Variants in ST3GAL5 observed in about 807,000 individuals in gnomAD.
The protein encoded by ST3GAL5 is ST3 beta-galactoside alpha-2,3-sialyltransferase 5.
A neutral mutation model predicts 46.1 loss-of-function variants in ST3GAL5; 25 were observed. The ratio of observed to expected loss-of-function variants is 0.54; its 90% confidence interval spans 0.40 to 0.76. The LOEUF (loss-of-function observed/expected upper bound fraction) is 0.76. ST3GAL5 is among the 30% of genes least tolerant of loss of function. The probability of loss-of-function intolerance (pLI) is 0.00; values close to 1 mark genes in which losing one functional copy is unlikely to be tolerated. For synonymous variants in ST3GAL5, 182 were observed against 192.7 expected (o/e 0.94, Z 0.46); for missense variants, 431 against 521.2 (o/e 0.83, Z 1.69).
At position 85,848,030 on chromosome 2, in the gene ST3GAL5, G is replaced by A. The variant is rs779337797; in HGVS notation, c.493C>T (p.Arg165Trp). Residue 165 changes from arginine (R) to tryptophan (W), a missense_variant, in exon 4 of 7, where the codon CGG (arginine) becomes TGG (tryptophan). By Grantham distance (101) the Arg-to-Trp change is moderately radical (BLOSUM62 -3). Transcript: ENST00000638572. ...ESKYDPPFGF[R>W]KFSSKVQTLL... ...GTCTGGACTTTACTGGAGAACTTCCGGAACCCAAAAGGAGGATCGTACTTG... is the reference window on the plus strand; with the variant it reads ...GTCTGGACTTTACTGGAGAACTTCCAGAACCCAAAAGGAGGATCGTACTTG... The A allele has an allele frequency of 8.7e-6, 14 of 1,614,088 alleles. No individual in the cohort carries two copies. Among genetic ancestry groups the A allele is most frequent in the Admixed American group, 3.3e-5 (2 of 60,008 alleles).
At chr2:85,882,093 G>T (rs1157695318) in intron 1 of ST3GAL5, among the ~76,000 whole-genome samples, 1 of 152,248 alleles carries the variant, frequency 6.6e-6, no homozygotes, top group Non-Finnish European at 1.5e-5. Flanking sequence ...TCAGAGGGTG[G>T]AAGCCCCAAG....
intron 1 of ST3GAL5, chr2:85,867,718 T>C (rs895984708): frequency 3.9e-6 from 3 of 769,416 alleles, no homozygotes; most frequent in Admixed American, 3.5e-5. Flanking sequence ...TGAAGGAATG[T>C]ATAGGACATT....
rs527995626 is a variant in ST3GAL5 at position 85,851,622 on chromosome 2, T to C, written c.319-3418A>G. ...AAGTTGAACCGGCATCTGCTTCAGC[T>C]GCTCTCTTCCCCCTCCACTGCTTGC... On this transcript the variant is annotated intron_variant, in intron 3 of 6. Coordinates refer to ENST00000638572, the MANE Select transcript of ST3GAL5 (RefSeq NM_003896.4). 9.3e-6 allele frequency: 12 copies of C among 1,289,468 alleles called. No individual in the cohort carries two copies. The African/African-American group carries it at 1.4e-4, about 15-fold the overall frequency. 79.9% of individuals were successfully genotyped at this position (1,289,468 alleles called of 1,614,324 possible).
At chr2:85,860,931 C>A in intron 3 of ST3GAL5, 1 of 497,928 alleles carries the variant, frequency 2.0e-6, no homozygotes, top group Admixed American at 3.3e-5. Context: ...GCCCTAGAGC[C>A]TGTTGGGTTG....
chr2:85,871,771 G>A (rs991050860), intron 1 of ST3GAL5, among the ~76,000 whole-genome samples: 5 of 152,142 alleles, frequency 3.3e-5, no homozygotes, highest in South Asian at 2.1e-4. Flanking sequence ...GGGAGGACCT[G>A]GAACAAGAGG....
In ST3GAL5 at chr2:85,840,200, G is replaced by C. The variant is rs375480336; in HGVS notation, c.1201C>G (p.Leu401Val). The C allele has an allele frequency of 8.1e-6, 13 of 1,614,198 alleles. No individual in the cohort carries two copies. In the South Asian group the frequency reaches 1.2e-4, roughly 15 times the overall value. ...TCTTTCACCACTCCCTCTTTGACCA[G>C]CTTTAAGAGGAACTTGGTTTCCGTT... ...VTTETKFLLK[L>V]VKEGVVKDLS... Residue 401 changes from leucine to valine, a missense_variant, in exon 7 of 7, where the codon CTG becomes GTG. By Grantham distance (32) the Leu-to-Val change is conservative (BLOSUM62 1). Coordinates refer to ENST00000638572, the MANE Select transcript of ST3GAL5 (RefSeq NM_003896.4).
chr2:85,846,422 ACT>A lies in ST3GAL5; in HGVS notation c.802_803del (p.Ser268CysfsTer2). On this transcript the variant is annotated frameshift_variant, in exon 5 of 7. Transcript: ENST00000638572. LOFTEE classifies it high-confidence loss of function. The part of the protein sequence containing the change: ...NDLFVAVLFK[S>X]VDFNWLQAMV... ...TTGCTTGAAGCCAGTTGAAATCAAC[ACT>A]CTTAAATAAAACAGCAACAAATAAG... is the stretch of plus-strand genomic sequence containing the variant. 1 of 1,614,186 alleles carries A rather than the reference ACT, an allele frequency of 6.2e-7. No individual in the cohort carries two copies. The highest frequency in any genetic ancestry group is 8.5e-7 in the Non-Finnish European group (1 of 1,180,020).
At position 85,840,456 on chromosome 2, in the gene ST3GAL5, G is replaced by A. The variant is rs768092587; in HGVS notation, c.1009-64C>T. Reference sequence around the variant, plus strand: ...TTTTGGCACAAGTCACCATTTTGCTGGTATTACACATGCTACGCAGAGTCA... The same window carrying A: ...TTTTGGCACAAGTCACCATTTTGCTAGTATTACACATGCTACGCAGAGTCA... On this transcript the variant is annotated intron_variant, in intron 6 of 6. Transcript: ENST00000638572. 7.0e-6 allele frequency: 11 copies of A among 1,575,012 alleles called. No homozygotes were observed. In the East Asian group the frequency reaches 2.3e-4, roughly 33 times the overall value.
At chr2:85,876,770 T>G (rs1686627730) in intron 1 of ST3GAL5, among the ~76,000 whole-genome samples, 1 of 152,066 alleles carries the variant, frequency 6.6e-6, no homozygotes, top group Non-Finnish European at 1.5e-5. Context: ...CTACACTGTT[T>G]CCTGATGGTA....
At position 85,858,563 on chromosome 2, in the gene ST3GAL5, C is replaced by T. The variant is rs200217418; in HGVS notation, c.318+2618G>A. ...TGACCTCATGATCCGCCCACCTCAG[C>T]CTCCCAAGGTGCTGGGATTACAGGT... On this transcript the variant is annotated intron_variant, in intron 3 of 6. Coordinates refer to ENST00000638572, the MANE Select transcript of ST3GAL5 (RefSeq NM_003896.4). Among the ~76,000 whole-genome samples, 3 of 152,176 alleles carry T rather than the reference C, an allele frequency of 2.0e-5. No individual in the cohort carries two copies. The East Asian group carries it at 5.8e-4, about 29-fold the overall frequency.
At chr2:85,877,790 G>C (rs901511025) in intron 1 of ST3GAL5, among the ~76,000 whole-genome samples, 1 of 152,106 alleles carries the variant, frequency 6.6e-6, no homozygotes, top group Non-Finnish European at 1.5e-5. Context: ...ACTAGGGCTG[G>C]ATAAAACAGT....
At chr2:85,863,580 C>T in intron 1 of ST3GAL5, 95 bp from the exon 2 acceptor site, 1 of 1,368,256 alleles carries the variant, frequency 7.3e-7, no homozygotes, top group Non-Finnish European at 1.0e-6. Context: ...ATGTTGCATC[C>T]ATACCATGGA....
chr2:85,880,820 T>C (rs1429675703), intron 1 of ST3GAL5: 1 of 459,726 alleles, frequency 2.2e-6, no homozygotes, highest in Non-Finnish European at 4.2e-6. Flanking sequence ...CAAGAATCTG[T>C]CTAAAAAGAA....
At chr2:85,880,292 TA>T (rs1687005390) in intron 1 of ST3GAL5, among the ~76,000 whole-genome samples, 1 of 152,174 alleles carries the variant, frequency 6.6e-6, no homozygotes, top group African/African-American at 2.4e-5. Flanking sequence ...CAGAACAAGT[TA>T]CATTTCCATT....
chr2:85,852,804 G>A, intron 3 of ST3GAL5: 1 of 1,118,934 alleles, frequency 8.9e-7, no homozygotes, highest in South Asian at 1.3e-5. Flanking sequence ...GATTTAACTA[G>A]CAGCGTCGTC....
chr2:85,872,874 A>C (rs1553414735), intron 1 of ST3GAL5, among the ~76,000 whole-genome samples: 1 of 152,240 alleles, frequency 6.6e-6, no homozygotes, highest in Non-Finnish European at 1.5e-5. Context: ...AACGGAAGAC[A>C]AGGCAGGAAG....
At chr2:85,869,399 T>TA (rs1685665400) in intron 1 of ST3GAL5, among the ~76,000 whole-genome samples, 1 of 151,734 alleles carries the variant, frequency 6.6e-6, no homozygotes. Context: ...TTTTTTTTTT[T>TA]ACTACCTGAA....
chr2:85,864,408 GA>G (rs1437433545), intron 1 of ST3GAL5, among the ~76,000 whole-genome samples: 6 of 152,094 alleles, frequency 3.9e-5, no homozygotes, highest in African/African-American at 1.4e-4. Context: ...TCAGGAAGGG[GA>G]TAAGTGGAGG....
At chr2:85,887,759 C>T (rs1186766829) in intron 1 of ST3GAL5, 1 of 152,266 alleles carries the variant, frequency 6.6e-6, no homozygotes, top group African/African-American at 2.4e-5. Flanking sequence ...CTGTATCCTT[C>T]CGTGGAAAAG....
Sources: allele counts gnomAD v4.1 joint callset (sites outside exome capture counted in the v4.1 genomes callset), GRCh38; gene constraint gnomAD v4.1.1; transcripts MANE v1.5; gene names NCBI Gene and HGNC (gene_info 2026-07-23, HGNC 2026-07-21).